The following TCTN2 variants were observed in gnomAD, a reference collection of about 807,000 sequenced individuals.
The protein encoded by TCTN2 is tectonic family member 2.
A neutral mutation model predicts 83.4 loss-of-function variants in TCTN2; 66 were observed. That is an observed-to-expected ratio of 0.79 (90% confidence interval 0.65 to 0.97). TCTN2 has a LOEUF of 0.97. Among genes scored for constraint, TCTN2 ranks in the 50% least tolerant of loss-of-function variants. The pLI is 0.00. For missense variants in TCTN2, 794 were observed against 858.1 expected (o/e 0.93, Z 0.93); for synonymous variants, 301 against 326.7 (o/e 0.92, Z 0.85).
chr12:123,675,938 G>A (rs1408718901), intron 4 of TCTN2, among the ~76,000 whole-genome samples: 1 of 152,038 alleles, frequency 6.6e-6, no homozygotes, highest in Non-Finnish European at 1.5e-5. Context: ...ACAACAGAAG[G>A]GATTCATGAT....
chr12:123,704,516 C>T lies in TCTN2; in HGVS notation c.1613-16C>T, dbSNP rs777663928. 4 of 1,600,826 alleles carry T rather than the reference C, an allele frequency of 2.5e-6. No individual in the cohort carries two copies. The highest frequency in any genetic ancestry group is 3.5e-5 in the Admixed American group (2 of 57,446). ...AAATTATTCTTTGAAAAGTGTATAA[C>T]TTAACATTTCTATAGGTGTAGATGC... On this transcript the variant is annotated splice_polypyrimidine_tract_variant and intron_variant, in intron 14 of 17. Transcript: ENST00000303372.
At chr12:123,692,258 G>C (rs1399901895) in intron 8 of TCTN2, among the ~76,000 whole-genome samples, 6 of 152,026 alleles carry the variant, frequency 3.9e-5, no homozygotes, top group Non-Finnish European at 8.8e-5. Flanking sequence ...ATGTTGGCCA[G>C]ACTGGTCTCA....
chr12:123,693,156 A>G (rs1359078996), intron 9 of TCTN2, among the ~76,000 whole-genome samples: 2 of 148,030 alleles, frequency 1.4e-5, no homozygotes, highest in African/African-American at 5.0e-5. Flanking sequence ...CCCCCTGAGT[A>G]GCTGGGATTA....
intron 5 of TCTN2, among the ~76,000 whole-genome samples, chr12:123,680,405 C>T (rs1408776990): frequency 6.7e-5 from 10 of 149,114 alleles, no homozygotes; most frequent in African/African-American, 7.4e-5. Context: ...TTTTTTGAGA[C>T]GGCCTCCTAA....
intron 15 of TCTN2, among the ~76,000 whole-genome samples, chr12:123,706,010 C>T (rs1173716188): frequency 6.6e-6 from 1 of 152,136 alleles, no homozygotes; most frequent in Admixed American, 6.6e-5. Context: ...CCTGCCTCAG[C>T]CTCCCAAAGT....
Position 123,695,304 on chromosome 12 carries a change from T to G in TCTN2, c.1312+7T>G. The G allele has an allele frequency of 1.3e-6, 2 of 1,550,322 alleles. No homozygotes were observed. The highest frequency in any genetic ancestry group is 1.8e-6 in the Non-Finnish European group (2 of 1,122,068). On this transcript the variant is annotated splice_region_variant and intron_variant, in intron 11 of 17. Coordinates refer to ENST00000303372, the MANE Select transcript of TCTN2 (RefSeq NM_024809.5). ...GAATTATCTGGAAATCCAGGTAAGA[T>G]GAGTATATGCCAGTCATTGATCTTA...
In TCTN2 at chr12:123,679,896, C is replaced by T. The variant is rs1261822839; in HGVS notation, c.564+607C>T. ...CTGGGACTACAGGCGCCCACCACCA[C>T]GCCCAGCTAATTTTTTGTATTTTTA... is the stretch of plus-strand genomic sequence containing the variant. On this transcript the variant is annotated intron_variant, in intron 5 of 17. Coordinates refer to ENST00000303372, the MANE Select transcript of TCTN2 (RefSeq NM_024809.5). Among the ~76,000 whole-genome samples, 9 of 151,600 alleles carry T rather than the reference C, an allele frequency of 5.9e-5. No homozygotes were observed. The East Asian group carries it at 6.0e-4, about 10-fold the overall frequency.
rs2135863988 is a variant in TCTN2, at chr12:123,707,750, T to C, written c.*37T>C. On this transcript the variant is annotated 3_prime_UTR_variant, in exon 18 of 18. Transcript: ENST00000303372. The stretch of plus-strand genomic sequence containing the variant: ...GCTTTTATTTTTTTGAGATGGAGTT[T>C]TGCTCTTGTTGCCCAGGCTGAAGTG... 6.6e-7 allele frequency: 1 copy of C among 1,518,264 alleles called. No individual in the cohort carries two copies. The highest frequency in any genetic ancestry group is 1.1e-5 in the South Asian group (1 of 89,028). 94.0% of individuals were successfully genotyped at this position (1,518,264 alleles called of 1,614,324 possible).
At chr12:123,671,421 CAA>C in intron 1 of TCTN2, 84 bp from the exon 2 acceptor site, 3 of 1,588,360 alleles carry the variant, frequency 1.9e-6, no homozygotes, top group Non-Finnish European at 2.6e-6. Flanking sequence ...CGGGAGTCGA[CAA>C]CGCCAAAGCA....
intron 15 of TCTN2, among the ~76,000 whole-genome samples, chr12:123,706,058 T>G (rs113579100): frequency 0.013 from 1,907 of 152,230 alleles, 42 homozygotes; most frequent in African/African-American, 0.043. Context: ...GCCCGGCCCC[T>G]CCTCTTTCTC....
chr12:123,687,175 A>G, intron 6 of TCTN2, 140 bp downstream of exon 6: 1 of 935,720 alleles, frequency 1.1e-6, no homozygotes, highest in Non-Finnish European at 1.7e-6. Flanking sequence ...TCAATTCTAG[A>G]TTTCAGTTAG....
chr12:123,680,028 C>T (rs111858039), intron 5 of TCTN2, among the ~76,000 whole-genome samples: 6,365 of 151,936 alleles, frequency 0.042, 227 homozygotes, highest in African/African-American at 0.09. Context: ...CGTGAGCCAC[C>T]GCGCCCAGCC....
At position 123,687,048 on chromosome 12, in the gene TCTN2, G is replaced by T. The variant is rs552400913; in HGVS notation, c.764+13G>T. ...ATCATGGTGCTGTGTAAGTGTCTGA[G>T]CAGCCGCCTGGGATGGGGCATTGTT... On this transcript the variant is annotated intron_variant, in intron 6 of 17. Transcript: ENST00000303372. 33 of 1,614,078 alleles carry T rather than the reference G, an allele frequency of 2.0e-5. No homozygotes were observed. Among genetic ancestry groups the T allele is most frequent in the Admixed American group, 8.3e-5 (5 of 60,008 alleles).
At chr12:123,675,348 G>GCTA (rs1325355614) in intron 4 of TCTN2, among the ~76,000 whole-genome samples, 1 of 152,122 alleles carries the variant, frequency 6.6e-6, no homozygotes, top group East Asian at 1.9e-4. Flanking sequence ...AGTGATGAGT[G>GCTA]CTACTGCCAT....
intron 7 of TCTN2, among the ~76,000 whole-genome samples, chr12:123,688,397 A>G (rs1956002834): frequency 6.6e-6 from 1 of 151,840 alleles, no homozygotes; most frequent in Non-Finnish European, 1.5e-5. Flanking sequence ...TTGTATTTTT[A>G]GTACAGACGG....
intron 5 of TCTN2, among the ~76,000 whole-genome samples, chr12:123,680,520 C>CTT (rs534432331): frequency 2.9e-5 from 4 of 138,694 alleles, no homozygotes; most frequent in Non-Finnish European, 6.3e-5. Context: ...TTTTTTCTTT[C>CTT]TTTTTTTTTT....
In TCTN2 at chr12:123,687,063, G is replaced by T. The variant is rs73418148; in HGVS notation, c.764+28G>T. 11,065 of 1,613,726 alleles carry T rather than the reference G, an allele frequency of 6.9e-3. 408 individuals carry two copies. In the African/African-American group the frequency reaches 0.088, roughly 13 times the overall value. Reference sequence around the variant, plus strand: ...AAGTGTCTGAGCAGCCGCCTGGGATGGGGCATTGTTCTCCCGCCCTGGTGG... The same window carrying T: ...AAGTGTCTGAGCAGCCGCCTGGGATTGGGCATTGTTCTCCCGCCCTGGTGG... On this transcript the variant is annotated intron_variant, in intron 6 of 17. Coordinates refer to ENST00000303372, the MANE Select transcript of TCTN2 (RefSeq NM_024809.5).
At chr12:123,686,196 A>G (rs1955964748) in intron 5 of TCTN2, among the ~76,000 whole-genome samples, 1 of 151,858 alleles carries the variant, frequency 6.6e-6, no homozygotes, top group African/African-American at 2.4e-5. Context: ...ACAGGTGCCC[A>G]CCACCACACC....
At chr12:123,687,607 G>A (rs561985159) in intron 6 of TCTN2, among the ~76,000 whole-genome samples, 1 of 151,864 alleles carries the variant, frequency 6.6e-6, no homozygotes, top group Admixed American at 6.6e-5. Context: ...AGCTGAGATC[G>A]CGCCACTGCA....
Sources: gnomAD v4.1 joint callset for allele counts (sites outside exome capture counted in the v4.1 genomes callset) on GRCh38, gnomAD v4.1.1 for gene constraint, MANE v1.5 for transcripts, NCBI Gene and HGNC (gene_info 2026-07-23, HGNC 2026-07-21) for gene names.